COL6A6: variants seen among roughly 807,000 people sequenced by gnomAD.
COL6A6 encodes collagen alpha-6(VI) chain.
In COL6A6, 183 loss-of-function variants were observed where a neutral mutation model predicts 208.6. The ratio of observed to expected loss-of-function variants is 0.88; its 90% CI spans 0.78 to 0.99. COL6A6 has a LOEUF of 0.99. COL6A6 is among the 50% of genes least tolerant of loss of function. The probability of loss-of-function intolerance (pLI) is 0.00; values close to 1 mark genes in which losing one functional copy is unlikely to be tolerated. For missense variants in COL6A6, 2,816 were observed against 2,815.2 expected, an observed-to-expected ratio of 1.00 and a Z score of -0.01; for synonymous variants, 973 against 1,011.8, an observed-to-expected ratio of 0.96 and a Z score of 0.73.
intron 2 of COL6A6, among the ~76,000 whole-genome samples, chr3:130,561,076 A>G (rs1342023883): frequency 6.6e-6 from 1 of 152,238 alleles, no homozygotes; most frequent in East Asian, 1.9e-4. Flanking sequence ...CCTTTGATGT[A>G]TCTCTAAGCC....
At chr3:130,664,284 A>G (rs2066016688) in intron 35 of COL6A6, among the ~76,000 whole-genome samples, 1 of 152,242 alleles carries the variant, frequency 6.6e-6, no homozygotes. Context: ...TAGGCCATTC[A>G]GTCCAGAGCA....
intron 20 of COL6A6, among the ~76,000 whole-genome samples, chr3:130,600,720 G>C (rs896001140): frequency 6.6e-6 from 1 of 152,162 alleles, no homozygotes; most frequent in Non-Finnish European, 1.5e-5. Flanking sequence ...GGGGTTGGTG[G>C]GGCAAGGGGA....
At chr3:130,580,439 C>A (rs1449870348) in intron 8 of COL6A6, among the ~76,000 whole-genome samples, 1 of 152,126 alleles carries the variant, frequency 6.6e-6, no homozygotes, top group Non-Finnish European at 1.5e-5. Context: ...CATTAAAAAT[C>A]AAGTTGCCAA....
intron 7 of COL6A6, among the ~76,000 whole-genome samples, chr3:130,573,451 G>A (rs1375007863): frequency 6.6e-6 from 1 of 151,722 alleles, no homozygotes; most frequent in African/African-American, 2.4e-5. Flanking sequence ...TTCATTCCTT[G>A]TACTGACTTT....
intron 23 of COL6A6, among the ~76,000 whole-genome samples, chr3:130,621,163 C>T (rs2064702447): frequency 6.6e-6 from 1 of 152,090 alleles, no homozygotes; most frequent in South Asian, 2.1e-4. Flanking sequence ...CTATGTTCTT[C>T]AATAAGATCT....
chr3:130,635,235 C>A (rs1486028253), intron 27 of COL6A6, among the ~76,000 whole-genome samples: 4 of 146,970 alleles, frequency 2.7e-5, no homozygotes, highest in African/African-American at 2.5e-5. Context: ...ACTCTGTCTC[C>A]AAAAAAAAAT....
chr3:130,607,048 C>G, intron 21 of COL6A6, 82 bp downstream of exon 21: 2 of 1,097,246 alleles, frequency 1.8e-6, no homozygotes, highest in Non-Finnish European at 2.6e-6. Context: ...TGTAAAGTCT[C>G]TAAACTTCCC....
At chr3:130,562,083 C>G (rs1468465162) in intron 2 of COL6A6, among the ~76,000 whole-genome samples, 2 of 152,190 alleles carry the variant, frequency 1.3e-5, no homozygotes, top group Admixed American at 1.3e-4. Context: ...TTTCCTTAAA[C>G]ATACACCACA....
chr3:130,619,440 C>T (rs1343991629), intron 23 of COL6A6, among the ~76,000 whole-genome samples: 5 of 152,094 alleles, frequency 3.3e-5, no homozygotes, highest in Non-Finnish European at 7.3e-5. Flanking sequence ...GAACATAAAG[C>T]GATGGAAGTA....
chr3:130,569,864 T>C (rs1241002338), intron 6 of COL6A6, among the ~76,000 whole-genome samples: 1 of 152,180 alleles, frequency 6.6e-6, no homozygotes, highest in African/African-American at 2.4e-5. Context: ...GTACAATGGC[T>C]CTAAGGTTTT....
Position 130,674,578 on chromosome 3 carries a change from TG to T in COL6A6, c.6597-622del, listed in dbSNP as rs566584253. On this transcript the variant is annotated intron_variant, in intron 36 of 36. Coordinates refer to ENST00000358511, the MANE Select transcript of COL6A6 (RefSeq NM_001102608.3). ...ATTAAGCAGATAGTAAACATATGGA[TG>T]GATGGACCTATGGAAGAAAGGAAGA... 5.9e-5 allele frequency among the ~76,000 whole-genome samples: 9 copies of T among 152,308 alleles called. No homozygotes were observed. In the South Asian group the frequency reaches 1.9e-3, roughly 32 times the overall value.
intron 2 of COL6A6, among the ~76,000 whole-genome samples, chr3:130,561,714 G>A (rs1281635515): frequency 2.2e-5 from 3 of 135,104 alleles, no homozygotes; most frequent in African/African-American, 5.6e-5. Flanking sequence ...CTGCAGTGGC[G>A]CAATCTCGGC....
intron 1 of COL6A6, among the ~76,000 whole-genome samples, chr3:130,560,042 T>C (rs2062847226): frequency 6.6e-6 from 1 of 152,168 alleles, no homozygotes; most frequent in Non-Finnish European, 1.5e-5. Flanking sequence ...GGAAAATAAA[T>C]ACTAGGAACG....
chr3:130,661,782 A>G lies in COL6A6; in HGVS notation c.5976A>G (p.Leu1992=). Residue 1992 remains leucine (L), a synonymous_variant, in exon 35 of 37, where the codon TTA becomes TTG. Coordinates refer to ENST00000358511, the MANE Select transcript of COL6A6 (RefSeq NM_001102608.3). The part of the protein sequence containing the change: ...EDIRAFLGAL[L]DHFEITPEPE... ...TAAGAGCCTTCCTTGGAGCACTATT[A>G]GATCACTTTGAAATCACCCCAGAGC... The G allele has an allele frequency of 6.2e-7, 1 of 1,613,970 alleles. No individual in the cohort carries two copies. The highest frequency in any genetic ancestry group is 8.5e-7 in the Non-Finnish European group (1 of 1,179,872).
intron 15 of COL6A6, 74 bp downstream of exon 15, chr3:130,592,796 CA>C: frequency 7.4e-7 from 1 of 1,354,116 alleles, no homozygotes; most frequent in Non-Finnish European, 1.0e-6. Flanking sequence ...GATTATTTAT[CA>C]GTAAATTATA....
intron 16 of COL6A6, 32 bp downstream of exon 16, chr3:130,593,137 T>A: frequency 1.2e-5 from 19 of 1,612,426 alleles, no homozygotes; most frequent in Non-Finnish European, 1.6e-5. Flanking sequence ...GAGACCCTTC[T>A]GAGCTATTTA....
At chr3:130,565,756 T>G in intron 4 of COL6A6, 142 bp downstream of exon 4, 1 of 1,056,556 alleles carries the variant, frequency 9.5e-7, no homozygotes, top group South Asian at 1.8e-5. Context: ...CTTGAAAATA[T>G]GAAGCCTAAT....
At chr3:130,610,745 T>G (rs769841937) in intron 23 of COL6A6, 34 bp downstream of exon 23, 3 of 1,468,742 alleles carry the variant, frequency 2.0e-6, no homozygotes, top group Non-Finnish European at 2.8e-6. Context: ...CATCTGACTT[T>G]GATCTTGGCT....
chr3:130,557,753 A>G (rs540026137), intron 1 of COL6A6, among the ~76,000 whole-genome samples: 86 of 152,292 alleles, frequency 5.6e-4, no homozygotes, highest in African/African-American at 2.0e-3. Context: ...ATTGGTTTGT[A>G]TGGAGCAGAA....
Sources: allele counts gnomAD v4.1 joint callset (sites outside exome capture counted in the v4.1 genomes callset), GRCh38; gene constraint gnomAD v4.1.1; transcripts MANE v1.5; gene names NCBI Gene and HGNC (gene_info 2026-07-23, HGNC 2026-07-21).